NR6A1: variants seen among roughly 807,000 people sequenced by gnomAD.
The protein encoded by NR6A1 is nuclear receptor subfamily 6 group A member 1.
In NR6A1, 7 loss-of-function variants were observed where a neutral mutation model predicts 59.1. The ratio of observed to expected loss-of-function variants is 0.12; its 90% confidence interval spans 0.07 to 0.22. The LOEUF is 0.22. Ranked by LOEUF, NR6A1 falls within the 10% of genes least tolerant of loss-of-function variation. NR6A1 has a pLI of 1.00. For missense variants in NR6A1, 468 were observed against 611.6 expected, an observed-to-expected ratio of 0.77 and a Z score of 2.48; for synonymous variants, 243 against 236.1, an observed-to-expected ratio of 1.03 and a Z score of -0.27.
chr9:124,566,282 G>A (rs1588671593), intron 2 of NR6A1, among the ~76,000 whole-genome samples: 1 of 152,182 alleles, frequency 6.6e-6, no homozygotes, highest in Non-Finnish European at 1.5e-5. Context: ...GTAGGGAGAA[G>A]CTTCTGGATC....
chr9:124,771,241 C>A lies in NR6A1; in HGVS notation c.-122G>T. Reference sequence around the variant, plus strand: ...GGAGCCCGCGAGCTCCCGGCCGCGGCTCTCTCTGGGCCCCGAGCCGCCCGG... The same window carrying A: ...GGAGCCCGCGAGCTCCCGGCCGCGGATCTCTCTGGGCCCCGAGCCGCCCGG... On this transcript the variant is annotated 5_prime_UTR_variant, in exon 1 of 10. Coordinates refer to ENST00000487099, the MANE Select transcript of NR6A1 (RefSeq NM_033334.4). The A allele has an allele frequency of 4.0e-6, 2 of 500,740 alleles. No individual in the cohort carries two copies. The allele number at this position is 500,740 out of a possible 1,614,324, so 31.0% of individuals were successfully genotyped here. A position where few individuals can be genotyped will look rare whatever the true frequency, so the allele number is the denominator to read the frequency against.
chr9:124,638,084 CA>C (rs1836666846), intron 2 of NR6A1, among the ~76,000 whole-genome samples: 2 of 151,600 alleles, frequency 1.3e-5, no homozygotes, highest in South Asian at 4.2e-4. Flanking sequence ...CCCATCTCTA[CA>C]AAAAATTAAA....
chr9:124,639,948 T>A (rs940411868), intron 2 of NR6A1, among the ~76,000 whole-genome samples: 1 of 152,234 alleles, frequency 6.6e-6, no homozygotes, highest in Non-Finnish European at 1.5e-5. Flanking sequence ...CAAAACACCC[T>A]GTCATACAGG....
Position 124,770,306 on chromosome 9 carries a change from G to C in NR6A1, c.100+714C>G, listed in dbSNP as rs143443400. On this transcript the variant is annotated intron_variant, in intron 1 of 9. Coordinates refer to ENST00000487099, the MANE Select transcript of NR6A1 (RefSeq NM_033334.4). ...CCAGAGCGCGCGGGGCGTTGAGGAA[G>C]GTGAGGCGCAGGGGAAGCAGGAGGC... The C allele has an allele frequency of 7.8e-3, 1,189 of 152,756 alleles. 14 individuals are homozygous for C. Among genetic ancestry groups the C allele is most frequent in the South Asian group, 0.034 (166 of 4,832 alleles). The allele number at this position is 152,756 out of a possible 1,614,324, so 9.5% of individuals were successfully genotyped here.
chr9:124,702,466 T>G (rs1838990808), intron 2 of NR6A1, among the ~76,000 whole-genome samples: 1 of 152,158 alleles, frequency 6.6e-6, no homozygotes, highest in African/African-American at 2.4e-5. Flanking sequence ...GTGCCTATCC[T>G]TACAGCAATT....
At chr9:124,684,157 C>T (rs1232670952) in intron 2 of NR6A1, among the ~76,000 whole-genome samples, 1 of 152,136 alleles carries the variant, frequency 6.6e-6, no homozygotes, top group East Asian at 1.9e-4. Context: ...GACCAAGCTG[C>T]CTCTCTTCCT....
intron 2 of NR6A1, among the ~76,000 whole-genome samples, chr9:124,685,492 C>T (rs1157352206): frequency 6.6e-6 from 1 of 152,192 alleles, no homozygotes; most frequent in Admixed American, 6.5e-5. Flanking sequence ...CAATGCCGGG[C>T]TAATTTTTTC....
chr9:124,748,439 C>G (rs1447397824), intron 1 of NR6A1, among the ~76,000 whole-genome samples: 2 of 152,180 alleles, frequency 1.3e-5, no homozygotes, highest in Non-Finnish European at 2.9e-5. Context: ...TCTCTTCCAT[C>G]CCACTGTAGC....
In NR6A1 at chr9:124,747,127, G is replaced by A. The variant is rs149378319; in HGVS notation, c.101-13778C>T. Among the ~76,000 whole-genome samples the A allele has an allele frequency of 4.6e-3, 693 of 151,208 alleles. 6 individuals are homozygous for A. Among genetic ancestry groups the A allele is most frequent in the African/African-American group, 0.016 (647 of 41,130 alleles). ...TCTTTTGGATGTCCTTCCACTGCTG[G>A]CAACTATTTCCCCTAGAAGCAGTCA... On this transcript the variant is annotated intron_variant, in intron 1 of 9. Transcript: ENST00000487099.
rs193209644 is a variant in NR6A1, at chr9:124,567,685, A to G, written c.143-13115T>C. Among the ~76,000 whole-genome samples the G allele has an allele frequency of 2.6e-4, 39 of 152,316 alleles. No homozygotes were observed. In the East Asian group the frequency reaches 6.6e-3, roughly 26 times the overall value. ...CTATTGAGAACCACTTTGGTGAACT[A>G]GTTAGGACAAAAACCATACTGACTT... On this transcript the variant is annotated intron_variant, in intron 2 of 9. Transcript: ENST00000487099.
intron 2 of NR6A1, among the ~76,000 whole-genome samples, chr9:124,559,895 T>A (rs138706674): frequency 9.2e-5 from 14 of 152,362 alleles, no homozygotes; most frequent in African/African-American, 3.4e-4. Context: ...TATCCAGAAC[T>A]GAATGATTTT....
intron 2 of NR6A1, among the ~76,000 whole-genome samples, chr9:124,658,248 A>T (rs1837320817): frequency 6.6e-6 from 1 of 152,164 alleles, no homozygotes; most frequent in Non-Finnish European, 1.5e-5. Context: ...TCAAACTGCC[A>T]GTCCTGAATT....
intron 2 of NR6A1, among the ~76,000 whole-genome samples, chr9:124,670,725 TA>T (rs1837770325): frequency 6.6e-6 from 1 of 152,168 alleles, no homozygotes; most frequent in Non-Finnish European, 1.5e-5. Flanking sequence ...AGCAGTAGGA[TA>T]TTGGGGGCCC....
chr9:124,588,919 C>CAAAA (rs57274135), intron 2 of NR6A1, among the ~76,000 whole-genome samples: 3 of 52,432 alleles, frequency 5.7e-5, no homozygotes, highest in Non-Finnish European at 7.5e-5. Flanking sequence ...GACTCTGTCT[C>CAAAA]AAAAAAAAAA....
chr9:124,725,922 G>T (rs1839702936), intron 2 of NR6A1, among the ~76,000 whole-genome samples: 3 of 152,210 alleles, frequency 2.0e-5, no homozygotes, highest in Admixed American at 2.0e-4. Context: ...TGTATGCCTT[G>T]TAACAGACTT....
chr9:124,616,360 G>T (rs1435792335), intron 2 of NR6A1, among the ~76,000 whole-genome samples: 2 of 141,786 alleles, frequency 1.4e-5, no homozygotes, highest in Non-Finnish European at 1.5e-5. Context: ...CCAAGATCGC[G>T]CCAATGCACT....
intron 2 of NR6A1, among the ~76,000 whole-genome samples, chr9:124,586,839 ACT>A (rs1171275239): frequency 6.6e-6 from 1 of 152,230 alleles, no homozygotes; most frequent in Non-Finnish European, 1.5e-5. Context: ...CCTGGTGAAC[ACT>A]GTTAAAATGA....
intron 1 of NR6A1, among the ~76,000 whole-genome samples, chr9:124,742,629 C>G (rs1296689904): frequency 6.6e-6 from 1 of 152,132 alleles, no homozygotes; most frequent in Admixed American, 6.5e-5. Flanking sequence ...GTAATCCCAG[C>G]ATTTTGGGAG....
intron 2 of NR6A1, among the ~76,000 whole-genome samples, chr9:124,564,681 CTGTG>C (rs56301413): frequency 9.9e-4 from 147 of 148,628 alleles, no homozygotes; most frequent in Non-Finnish European, 1.0e-3. Flanking sequence ...AATCCACACT[CTGTG>C]TGTGTGTGTG....
Sources: allele counts gnomAD v4.1 joint callset (sites outside exome capture counted in the v4.1 genomes callset), GRCh38; gene constraint gnomAD v4.1.1; transcripts MANE v1.5; gene names NCBI Gene and HGNC (gene_info 2026-07-23, HGNC 2026-07-21).